Variants in SUPT3H observed in about 807,000 individuals in gnomAD.
SUPT3H encodes the protein transcription initiation protein SPT3 homolog.
SUPT3H carries 44 observed loss-of-function variants against 44.3 expected under a neutral mutation model. That is an observed-to-expected ratio of 0.99 (90% CI 0.78 to 1.28). The LOEUF is 1.28. SUPT3H is among the 50% of genes most tolerant of loss of function. The pLI, the probability that SUPT3H is intolerant of heterozygous loss-of-function variation, is 0.00. For synonymous variants in SUPT3H, 124 were observed against 125.6 expected, an observed-to-expected ratio of 0.99 and a Z score of 0.09; for missense variants, 380 against 387.1, an observed-to-expected ratio of 0.98 and a Z score of 0.15.
intron 2 of SUPT3H, among the ~76,000 whole-genome samples, chr6:45,129,494 G>T (rs1414119590): frequency 6.6e-6 from 1 of 151,796 alleles, no homozygotes; most frequent in Admixed American, 6.6e-5. Context: ...ATAATTTCAT[G>T]TTTATGATAA....
chr6:45,176,533 A>C lies in SUPT3H; in HGVS notation c.102-70527T>G, dbSNP rs567104258. ...GCCATTGCCCAGGCTTGCTTAGGTA[A>C]ACAAAGCAGCCAGGAAGCTCGAACT... On this transcript the variant is annotated intron_variant, in intron 2 of 10. Transcript: ENST00000371459. 3.3e-4 allele frequency among the ~76,000 whole-genome samples: 50 copies of C among 152,146 alleles called. 1 individual carries two copies. The South Asian group carries it at 4.0e-3, about 12-fold the overall frequency.
intron 10 of SUPT3H, among the ~76,000 whole-genome samples, chr6:44,867,558 G>C (rs1171572142): frequency 7.4e-6 from 1 of 134,606 alleles, no homozygotes; most frequent in African/African-American, 2.5e-5. Flanking sequence ...TTTCTAGCAA[G>C]TTTTCACTTT....
intron 3 of SUPT3H, among the ~76,000 whole-genome samples, chr6:45,070,997 C>T (rs536816573): frequency 7.0e-4 from 107 of 152,000 alleles, no homozygotes; most frequent in Non-Finnish European, 1.2e-3. Context: ...AGTATGTTTG[C>T]TATACTATTA....
At chr6:45,179,960 A>T (rs188206359) in intron 2 of SUPT3H, among the ~76,000 whole-genome samples, 4,458 of 152,252 alleles carry the variant, frequency 0.029, 90 homozygotes, top group Non-Finnish European at 0.047. Context: ...TTGTATATCT[A>T]GAAAACCCCA....
intron 2 of SUPT3H, among the ~76,000 whole-genome samples, chr6:45,201,113 C>T (rs1762404068): frequency 6.6e-6 from 1 of 151,570 alleles, no homozygotes. Flanking sequence ...TGTTAACTTG[C>T]ATTTCATTAA....
chr6:45,312,514 CAA>C (rs144073348), intron 2 of SUPT3H, among the ~76,000 whole-genome samples: 13 of 106,508 alleles, frequency 1.2e-4, no homozygotes, highest in African/African-American at 1.4e-4. Context: ...GACTCCATCT[CAA>C]AAAAAAAAAA....
chr6:44,860,941 T>C (rs1421442988), intron 10 of SUPT3H, among the ~76,000 whole-genome samples: 1 of 152,034 alleles, frequency 6.6e-6, no homozygotes, highest in Admixed American at 6.5e-5. Context: ...TATTAAACAG[T>C]AAAAGTTTTC....
intron 3 of SUPT3H, among the ~76,000 whole-genome samples, chr6:45,104,050 A>G (rs1394962705): frequency 6.6e-6 from 1 of 152,072 alleles, no homozygotes; most frequent in East Asian, 1.9e-4. Flanking sequence ...CTTCATCATT[A>G]GCACAGCTGT....
At chr6:45,176,066 G>C (rs1009336082) in intron 2 of SUPT3H, among the ~76,000 whole-genome samples, 2 of 152,134 alleles carry the variant, frequency 1.3e-5, no homozygotes, top group African/African-American at 4.8e-5. Flanking sequence ...ATCTTGGGGG[G>C]AGGAGCCAAG....
chr6:44,846,235 T>C (rs1052981625), intron 10 of SUPT3H, among the ~76,000 whole-genome samples: 1 of 152,232 alleles, frequency 6.6e-6, no homozygotes, highest in African/African-American at 2.4e-5. Context: ...AACTTTGCAC[T>C]CACTCTGCTC....
chr6:45,048,285 A>G (rs1048654253), intron 3 of SUPT3H, among the ~76,000 whole-genome samples: 3 of 104,526 alleles, frequency 2.9e-5, no homozygotes, highest in African/African-American at 1.3e-4. Flanking sequence ...CCATTCATCT[A>G]TTTTCACTTC....
At chr6:44,905,351 T>C (rs1582399022) in intron 10 of SUPT3H, among the ~76,000 whole-genome samples, 6 of 152,104 alleles carry the variant, frequency 3.9e-5, no homozygotes, top group Admixed American at 3.9e-4. Context: ...CATCAAAAAG[T>C]GGGCAAAGGA....
chr6:44,825,301 A>G (rs1767659076), downstream of SUPT3H, among the ~76,000 whole-genome samples: 1 of 152,248 alleles, frequency 6.6e-6, no homozygotes, highest in Admixed American at 6.5e-5. Context: ...TTATATACAT[A>G]ATACTTGGCA....
In SUPT3H at chr6:45,198,924, A is replaced by G. The variant is rs188914733; in HGVS notation, c.102-92918T>C. Among the ~76,000 whole-genome samples the G allele has an allele frequency of 9.0e-3, 1,360 of 151,446 alleles. 15 individuals are homozygous for G. Among genetic ancestry groups the G allele is most frequent in the South Asian group, 0.028 (137 of 4,822 alleles). On this transcript the variant is annotated intron_variant, in intron 2 of 10. Transcript: ENST00000371459. Reference sequence around the variant, plus strand: ...AATTAAGGATATAGAAAAATGCAACAGAATAGCTTTATAACAGACCAATTA... The same window carrying G: ...AATTAAGGATATAGAAAAATGCAACGGAATAGCTTTATAACAGACCAATTA...
At chr6:45,370,842 T>A (rs1795939421) in intron 1 of SUPT3H, among the ~76,000 whole-genome samples, 1 of 152,116 alleles carries the variant, frequency 6.6e-6, no homozygotes, top group South Asian at 2.1e-4. Flanking sequence ...TAGCATATCC[T>A]CCTTCTTTAG....
intron 2 of SUPT3H, among the ~76,000 whole-genome samples, chr6:45,281,869 G>A (rs1251267444): frequency 5.9e-5 from 9 of 152,076 alleles, no homozygotes; most frequent in East Asian, 3.9e-4. Flanking sequence ...TCACATGGCC[G>A]GGTACCCCTC....
rs530989627 is a variant in SUPT3H, at chr6:45,065,573, A to G, written c.186+40349T>C. 2.4e-3 allele frequency among the ~76,000 whole-genome samples: 362 copies of G among 151,860 alleles called. 2 individuals are homozygous for G. Among genetic ancestry groups the G allele is most frequent in the African/African-American group, 8.1e-3 (335 of 41,296 alleles). Reference sequence around the variant, plus strand: ...TTGATAGACCACTAGCAAGACTAATAAAGAAAAAAAGAGACAAGAATCAAA... The same window carrying G: ...TTGATAGACCACTAGCAAGACTAATGAAGAAAAAAAGAGACAAGAATCAAA... On this transcript the variant is annotated intron_variant, in intron 3 of 10. Coordinates refer to ENST00000371459, the MANE Select transcript of SUPT3H (RefSeq NM_003599.4).
At chr6:45,320,467 T>TG (rs1215082236) in intron 2 of SUPT3H, among the ~76,000 whole-genome samples, 155 of 151,378 alleles carry the variant, frequency 1.0e-3, no homozygotes, top group Non-Finnish European at 1.9e-4. Flanking sequence ...CTGGTAGACA[T>TG]GGGGTCTCAC....
At chr6:45,082,574 A>T (rs1365723592) in intron 3 of SUPT3H, among the ~76,000 whole-genome samples, 1 of 152,162 alleles carries the variant, frequency 6.6e-6, no homozygotes, top group Non-Finnish European at 1.5e-5. Context: ...ACACAGAAAG[A>T]GCTCTCAGTA....
Sources: allele counts gnomAD v4.1 joint callset (sites outside exome capture counted in the v4.1 genomes callset), GRCh38; gene constraint gnomAD v4.1.1; transcripts MANE v1.5; gene names NCBI Gene and HGNC (gene_info 2026-07-23, HGNC 2026-07-21).